MAST1: variants seen among roughly 807,000 people sequenced by gnomAD.
The protein encoded by MAST1 is microtubule-associated serine/threonine-protein kinase 1.
Under a neutral mutation model 124.6 loss-of-function variants are expected in MAST1, and 40 were observed. The observed-to-expected ratio is 0.32, with a 90% CI of 0.25 to 0.42. The LOEUF (loss-of-function observed/expected upper bound fraction) is 0.42, where lower values mean the gene tolerates loss of function less well. Among genes scored for constraint, MAST1 ranks in the 10% least tolerant of loss-of-function variants. MAST1 has a pLI of 1.00. For missense variants in MAST1, 1,558 were observed against 2,181.9 expected (o/e 0.71, Z 5.70); for synonymous variants, 938 against 939.4 (o/e 1.00, Z 0.03).
chr19:12,859,742 C>A lies in MAST1; in HGVS notation c.1366+1003C>A, dbSNP rs7246686. Reference sequence around the variant, plus strand: ...ACAGGAAGCAGAGGTTGCAGTAAGCCGAGATCGTGCTGCTGCACTCCAGGC... The same window carrying A: ...ACAGGAAGCAGAGGTTGCAGTAAGCAGAGATCGTGCTGCTGCACTCCAGGC... On this transcript the variant is annotated intron_variant, in intron 12 of 25. Coordinates refer to ENST00000251472, the MANE Select transcript of MAST1 (RefSeq NM_014975.3). 4.6e-5 allele frequency among the ~76,000 whole-genome samples: 7 copies of A among 150,876 alleles called. No individual in the cohort carries two copies. In the East Asian group the frequency reaches 1.4e-3, roughly 29 times the overall value.
chr19:12,856,579 G>A (rs563107435), intron 10 of MAST1, among the ~76,000 whole-genome samples: 11 of 152,046 alleles, frequency 7.2e-5, no homozygotes, highest in Non-Finnish European at 1.5e-4. Flanking sequence ...TGCTGGGATT[G>A]CAGGTGTGAG....
intron 7 of MAST1, among the ~76,000 whole-genome samples, chr19:12,850,579 C>T (rs1969948215): frequency 6.6e-6 from 1 of 152,128 alleles, no homozygotes; most frequent in Non-Finnish European, 1.5e-5. Flanking sequence ...TGAAAGCAAA[C>T]TCATCAATAA....
rs1328394250 is a variant in MAST1, at chr19:12,871,168, G to A, written c.3259G>A (p.Glu1087Lys). 1 of 1,614,138 alleles carries A rather than the reference G, an allele frequency of 6.2e-7. No individual in the cohort carries two copies. Among genetic ancestry groups the A allele is most frequent in the Non-Finnish European group, 8.5e-7 (1 of 1,180,014 alleles). Reference sequence around the variant, plus strand: ...GCGACCCTCCGCCAAGGAGGGCCAGGAGAGGTGGGCACAGCCGTAAACAGC... The same window carrying A: ...GCGACCCTCCGCCAAGGAGGGCCAGAAGAGGTGGGCACAGCCGTAAACAGC... The part of the protein sequence containing the change: ...NKRPSAKEGQ[E>K]SKKRSSLFRK... The change falls in exon 24 of 26, where the codon GAG becomes AAG. Residue 1087 changes from glutamate to lysine, a missense_variant. This residue lies in a region of MAST1 where 291 missense variants were observed against 475.8 expected (regional missense o/e 0.61). Transcript: ENST00000251472.
intron 24 of MAST1, among the ~76,000 whole-genome samples, chr19:12,871,778 T>A (rs1045357786): frequency 2.0e-5 from 3 of 151,620 alleles, no homozygotes; most frequent in Non-Finnish European, 4.4e-5. Context: ...CTAGTTGGGT[T>A]TGGTGGCACA....
chr19:12,846,601 G>A (rs1171881518), intron 4 of MAST1, among the ~76,000 whole-genome samples: 2 of 152,096 alleles, frequency 1.3e-5, no homozygotes, highest in Non-Finnish European at 2.9e-5. Context: ...ACTAGGCTGG[G>A]TGCGGTGGCT....
rs754705437 is a variant in MAST1, at chr19:12,865,849, C to T, written c.1906+31C>T. ...TCCGCCATGCAGAGGAGCTGAGGGC[C>T]CACTGATAGAGAGCAGGCCTCCAAA... On this transcript the variant is annotated intron_variant, in intron 16 of 25. Coordinates refer to ENST00000251472, the MANE Select transcript of MAST1 (RefSeq NM_014975.3). The surrounding 1 kb of genome is among the most constrained non-coding windows in gnomAD (Gnocchi z 7.1). The T allele has an allele frequency of 1.2e-6, 2 of 1,604,576 alleles. No individual in the cohort carries two copies. The highest frequency in any genetic ancestry group is 1.3e-5 in the African/African-American group (1 of 74,686).
chr19:12,845,874 G>A (rs976563864), intron 4 of MAST1, among the ~76,000 whole-genome samples: 2 of 151,972 alleles, frequency 1.3e-5, no homozygotes, highest in Admixed American at 6.6e-5. Context: ...GGCCAGGCTG[G>A]TCTAGAACTC....
chr19:12,866,181 G>T lies in MAST1; in HGVS notation c.2029+79G>T. On this transcript the variant is annotated intron_variant, in intron 17 of 25. Coordinates refer to ENST00000251472, the MANE Select transcript of MAST1 (RefSeq NM_014975.3). This position sits in a 1 kb window ranked among gnomAD's most constrained non-coding sequence, Gnocchi z 5.2. ...GGACCCTGGGGTAAGTAAAGCCTGG[G>T]ATAGGGCCTGGCTAAGTACCAAGAT... 7.2e-7 allele frequency: 1 copy of T among 1,379,548 alleles called. No homozygotes were observed. 85.5% of individuals were successfully genotyped at this position (1,379,548 alleles called of 1,614,324 possible). A position where few individuals can be genotyped will look rare whatever the true frequency, so the allele number is the denominator to read the frequency against.
At chr19:12,871,313 T>C in intron 24 of MAST1, 141 bp downstream of exon 24, 1 of 1,295,004 alleles carries the variant, frequency 7.7e-7, no homozygotes, top group East Asian at 2.5e-5. Context: ...AGAGGACAAT[T>C]AAGAGGGGCT....
chr19:12,872,751 G>A (rs1267218606), intron 24 of MAST1: 1 of 152,904 alleles, frequency 6.5e-6, no homozygotes. Flanking sequence ...AAATTAGCTG[G>A]GAGTGGTGGC....
At position 12,871,032 on chromosome 19, in the gene MAST1, C is replaced by T; in HGVS notation, c.3127-4C>T. On this transcript the variant is annotated splice_polypyrimidine_tract_variant and splice_region_variant and intron_variant, in intron 23 of 25. Transcript: ENST00000251472. The stretch of plus-strand genomic sequence containing the variant: ...CAGAGCATTTTCCCGCATTCTTCCC[C>T]CAGAGTGGCAACAAGGTAGCAGTGA... 6.2e-7 allele frequency: 1 copy of T among 1,614,160 alleles called. No homozygotes were observed. Among genetic ancestry groups the T allele is most frequent in the Non-Finnish European group, 8.5e-7 (1 of 1,180,016 alleles).
intron 12 of MAST1, among the ~76,000 whole-genome samples, chr19:12,861,680 CTCTTTCTTTCTTTCTT>C (rs3064403): frequency 1.1e-3 from 151 of 143,576 alleles, no homozygotes; most frequent in African/African-American, 2.6e-3. Context: ...TTCTTTTTCT[CTCTTTCTTTCTTTCTT>C]TCTTTCTTTC....
intron 22 of MAST1, 116 bp from the exon 23 acceptor site, chr19:12,870,708 C>A: frequency 4.0e-6 from 4 of 1,005,418 alleles, no homozygotes; most frequent in East Asian, 2.7e-5. Flanking sequence ...AACTATTTCA[C>A]AAGGTGTTAT....
Position 12,851,920 on chromosome 19 carries a change from G to T in MAST1, c.775-14G>T, listed in dbSNP as rs752273226. 9.9e-6 allele frequency: 16 copies of T among 1,608,286 alleles called. No individual in the cohort carries two copies. ...GTGCCTATGAGCCCTGTCCCTCTGTGTCCCCTGCCACAGGCCTATGAACGC... is the reference window on the plus strand; with the variant it reads ...GTGCCTATGAGCCCTGTCCCTCTGTTTCCCCTGCCACAGGCCTATGAACGC... On this transcript the variant is annotated splice_polypyrimidine_tract_variant and intron_variant, in intron 7 of 25. Transcript: ENST00000251472.
chr19:12,867,509 G>T lies in MAST1; in HGVS notation c.2175G>T (p.Glu725Asp), dbSNP rs754149366. The T allele has an allele frequency of 3.7e-6, 6 of 1,613,656 alleles. No homozygotes were observed. ...YSSMEQLSQH[E>D]PKTPVAAAGS... is the part of the protein sequence containing the mutation. ...GCATGGAGCAGCTGTCGCAGCACGA[G>T]CCCAAGACCCCAGTAGCAGCTGCAG... The change falls in exon 19 of 26, where the codon GAG becomes GAT. Residue 725 changes from glutamate (E) to aspartate (D), a missense_variant. Glu to Asp is a conservative substitution (Grantham distance 45). Around this residue, in one of 10 missense-constraint regions of MAST1, gnomAD observed 287 missense variants for 308.0 expected, o/e 0.93. Transcript: ENST00000251472.
chr19:12,869,351 C>G (rs1970203111), intron 22 of MAST1, 56 bp downstream of exon 22: 1 of 1,456,248 alleles, frequency 6.9e-7, no homozygotes, highest in South Asian at 1.2e-5. Context: ...GGGGAAAAGG[C>G]CCCTCCAGCT....
intron 4 of MAST1, among the ~76,000 whole-genome samples, chr19:12,845,459 C>T (rs1217326333): frequency 6.9e-6 from 1 of 144,518 alleles, no homozygotes; most frequent in Non-Finnish European, 1.5e-5. Flanking sequence ...TGGCTTGTGC[C>T]TGAAGTCCCA....
Position 12,843,410 on chromosome 19 carries a change from A to C in MAST1, c.249-119A>C. ...TTCTGAGGGCCTTGAGGAATCTTAG[A>C]GTGCAGATATATTCCCCCAACCCCC... is the stretch of plus-strand genomic sequence containing the variant. On this transcript the variant is annotated intron_variant, in intron 3 of 25. Coordinates refer to ENST00000251472, the MANE Select transcript of MAST1 (RefSeq NM_014975.3). The surrounding 1 kb of genome is among the most constrained non-coding windows in gnomAD (Gnocchi z 4.9). The C allele has an allele frequency of 3.0e-6, 2 of 661,472 alleles. No homozygotes were observed. Among genetic ancestry groups the C allele is most frequent in the Non-Finnish European group, 5.2e-6 (2 of 382,060 alleles). 41.0% of individuals were successfully genotyped at this position (661,472 alleles called of 1,614,324 possible). A position where few individuals can be genotyped will look rare whatever the true frequency, so the allele number is the denominator to read the frequency against.
In MAST1 at chr19:12,841,033, C is replaced by T. The variant is rs376680860; in HGVS notation, c.215C>T (p.Thr72Ile). The T allele has an allele frequency of 2.0e-6, 3 of 1,534,862 alleles. No individual in the cohort carries two copies. The highest frequency in any genetic ancestry group is 2.2e-5 in the East Asian group (1 of 44,534). ...LDSPRNFSPN[T>I]PAHFSFASSR... ...AGCCCCCGAAACTTCTCCCCCAACA[C>T]CCCCGCCCACTTCTCGTTTGCCTCC... Residue 72 changes from threonine to isoleucine, a missense_variant, in exon 3 of 26, where the codon ACC (threonine) becomes ATC (isoleucine). By Grantham distance (89) the Thr-to-Ile change is moderately conservative. This residue lies in a region of MAST1 where 57 missense variants were observed against 35.3 expected (regional missense o/e 1.62). Transcript: ENST00000251472. The surrounding 1 kb of genome is among the most constrained non-coding windows in gnomAD (Gnocchi z 4.3).
Sources: gnomAD v4.1 joint callset for allele counts (sites outside exome capture counted in the v4.1 genomes callset) on GRCh38, gnomAD v4.1.1 for gene constraint, gnomAD v4.1.1 regional missense constraint, Gnocchi (gnomAD v3.1) non-coding constraint, MANE v1.5 for transcripts, NCBI Gene and HGNC (gene_info 2026-07-23, HGNC 2026-07-21) for gene names.